The following NCR2 variants were observed in gnomAD, a reference collection of about 807,000 sequenced individuals.
NCR2 encodes natural cytotoxicity triggering receptor 2.
A neutral mutation model predicts 30.7 loss-of-function variants in NCR2; 35 were observed. The observed-to-expected ratio is 1.14, with a 90% CI of 0.87 to 1.51. The LOEUF (loss-of-function observed/expected upper bound fraction) is 1.51, where lower values mean the gene tolerates loss of function less well. NCR2 is among the 40% of genes most tolerant of loss of function. The pLI, the probability that NCR2 is intolerant of heterozygous loss-of-function variation, is 0.00. For synonymous variants in NCR2, 146 were observed against 134.8 expected, an observed-to-expected ratio of 1.08 and a Z score of -0.58; for missense variants, 316 against 328.9, an observed-to-expected ratio of 0.96 and a Z score of 0.30.
intron 4 of NCR2, chr6:41,343,138 G>T (rs921623621): frequency 4.7e-6 from 4 of 859,804 alleles, no homozygotes; most frequent in Non-Finnish European, 7.2e-6. Context: ...CTTTAGCCAC[G>T]CTCTCCCTGC....
chr6:41,346,274 C>G (rs576199420), intron 4 of NCR2, among the ~76,000 whole-genome samples: 40 of 152,250 alleles, frequency 2.6e-4, no homozygotes, highest in Non-Finnish European at 4.6e-4. Flanking sequence ...GCCTCCTATC[C>G]CCAGTGGTCT....
At chr6:41,343,115 C>A in intron 4 of NCR2, 1 of 1,182,212 alleles carries the variant, frequency 8.5e-7, no homozygotes, top group Non-Finnish European at 1.2e-6. Context: ...AAGGCCAGGA[C>A]TTGATCCAAG....
chr6:41,339,543 C>A (rs1251519122), intron 2 of NCR2, among the ~76,000 whole-genome samples: 3 of 152,040 alleles, frequency 2.0e-5, no homozygotes, highest in Non-Finnish European at 4.4e-5. Flanking sequence ...CGCCACCATG[C>A]CCGGCTAATT....
chr6:41,336,138 C>A lies in NCR2; in HGVS notation c.104C>A (p.Thr35Lys). The change falls in exon 2 of 5, where the codon ACG (threonine) becomes AAG (lysine). Residue 35 changes from threonine to lysine, a missense_variant. Coordinates refer to ENST00000373089, the MANE Select transcript of NCR2 (RefSeq NM_004828.4). ...AQVLQSVAGQTLTVRCQYPPT... is the reference protein window; with the variant it reads ...AQVLQSVAGQKLTVRCQYPPT... ...GTACTTCAAAGTGTGGCAGGGCAGA[C>A]GCTAACCGTGAGATGCCAGTACCCG... The A allele has an allele frequency of 6.2e-7, 1 of 1,614,064 alleles. No homozygotes were observed. Among genetic ancestry groups the A allele is most frequent in the South Asian group, 1.1e-5 (1 of 91,072 alleles).
Position 41,350,799 on chromosome 6 carries a change from G to A in NCR2, c.766G>A (p.Glu256Lys), listed in dbSNP as rs780559376. 17 of 1,281,458 alleles carry A rather than the reference G, an allele frequency of 1.3e-5. No homozygotes were observed. The South Asian group carries it at 2.0e-4, about 15-fold the overall frequency. 79.4% of individuals were successfully genotyped at this position (1,281,458 alleles called of 1,614,324 possible). The change falls in exon 5 of 5, where the codon GAA becomes AAA. Residue 256 changes from glutamate (E) to lysine (K), a missense_variant. Glu to Lys is a moderately conservative substitution (Grantham distance 56). Transcript: ENST00000373089. ...WTSVSSPVEREILYHTVARTK... is the reference protein window; with the variant it reads ...WTSVSSPVERKILYHTVARTK... ...CTCAGTTTCCTCACCTGTAGAGAGA[G>A]AAATATTATATCACACTGTTGCAAG...
At position 41,341,923 on chromosome 6, in the gene NCR2, C is replaced by T; in HGVS notation, c.524C>T (p.Pro175Leu). 3 of 1,613,918 alleles carry T rather than the reference C, an allele frequency of 1.9e-6. No individual in the cohort carries two copies. The highest frequency in any genetic ancestry group is 2.5e-6 in the Non-Finnish European group (3 of 1,179,828). Residue 175 changes from proline to leucine, a missense_variant, in exon 3 of 5, where the codon CCT becomes CTT. Physicochemically the swap from Pro to Leu is moderately conservative, Grantham distance 98 (BLOSUM62 -3). Coordinates refer to ENST00000373089, the MANE Select transcript of NCR2 (RefSeq NM_004828.4). Reference sequence around the variant, plus strand: ...GAGTCTCCATCTACCATCCCTGTCCCTTCACAGTGAGTTTCGGGGTGCCCG... The same window carrying T: ...GAGTCTCCATCTACCATCCCTGTCCTTTCACAGTGAGTTTCGGGGTGCCCG... ...APESPSTIPV[P>L]SQPQNSTLRP...
chr6:41,347,311 AAT>A (rs1440241662), intron 4 of NCR2, among the ~76,000 whole-genome samples: 5 of 152,142 alleles, frequency 3.3e-5, no homozygotes, highest in African/African-American at 9.7e-5. Context: ...AATGGGCTCT[AAT>A]ATATTAAACC....
chr6:41,336,559 C>A, intron 2 of NCR2, 131 bp downstream of exon 2: 1 of 714,772 alleles, frequency 1.4e-6, no homozygotes, highest in South Asian at 1.8e-5. Context: ...CTGTTGGGAA[C>A]AGGTGCAGGG....
At chr6:41,340,866 G>T (rs1769150932) in intron 2 of NCR2, among the ~76,000 whole-genome samples, 1 of 152,038 alleles carries the variant, frequency 6.6e-6, no homozygotes, top group Non-Finnish European at 1.5e-5. Context: ...TATGGGACAG[G>T]ATCGTGCCCA....
At chr6:41,342,908 T>A in intron 4 of NCR2, 4 of 1,549,276 alleles carry the variant, frequency 2.6e-6, no homozygotes, top group Non-Finnish European at 3.5e-6. Flanking sequence ...ATTTCTCCCC[T>A]CATCTCAAGG....
At chr6:41,336,542 G>T in intron 2 of NCR2, 114 bp downstream of exon 2, 1 of 842,626 alleles carries the variant, frequency 1.2e-6, no homozygotes, top group Non-Finnish European at 1.9e-6. Flanking sequence ...CCAGTCTCCT[G>T]GGAAGGCTGT....
At chr6:41,338,422 A>G (rs1561941161) in intron 2 of NCR2, among the ~76,000 whole-genome samples, 1 of 152,218 alleles carries the variant, frequency 6.6e-6, no homozygotes, top group Non-Finnish European at 1.5e-5. Flanking sequence ...AACTCTCTCA[A>G]TGAAGGAAGC....
intron 4 of NCR2, among the ~76,000 whole-genome samples, chr6:41,342,705 T>C (rs1331825890): frequency 6.6e-6 from 1 of 151,974 alleles, no homozygotes; most frequent in Non-Finnish European, 1.5e-5. Flanking sequence ...CTCATTCTAG[T>C]CCTGAGGGAG....
chr6:41,343,047 G>A (rs1790548014), intron 4 of NCR2: 1 of 1,538,132 alleles, frequency 6.5e-7, no homozygotes, highest in Non-Finnish European at 8.8e-7. Flanking sequence ...TCTCCAACAA[G>A]GCTGGGCTCC....
In NCR2 at chr6:41,341,912, C is replaced by T. The variant is rs767970975; in HGVS notation, c.513C>T (p.Thr171=). The change falls in exon 3 of 5, where the codon ACC becomes ACT. Residue 171 remains threonine, a synonymous_variant. Coordinates refer to ENST00000373089, the MANE Select transcript of NCR2 (RefSeq NM_004828.4). ...GACAAGCCCCTGAGTCTCCATCTAC[C>T]ATCCCTGTCCCTTCACAGTGAGTTT... ...GARQAPESPS[T]IPVPSQPQNS... 27 of 1,613,970 alleles carry T rather than the reference C, an allele frequency of 1.7e-5. No homozygotes were observed. In the South Asian group the frequency reaches 2.6e-4, roughly 16 times the overall value.
intron 4 of NCR2, among the ~76,000 whole-genome samples, chr6:41,345,733 C>A (rs1161802807): frequency 6.6e-6 from 1 of 152,138 alleles, no homozygotes; most frequent in Non-Finnish European, 1.5e-5. Context: ...CTCAGTAAGA[C>A]CTTGTAAATC....
At chr6:41,340,618 C>T (rs1028237343) in intron 2 of NCR2, among the ~76,000 whole-genome samples, 4 of 152,170 alleles carry the variant, frequency 2.6e-5, no homozygotes, top group Admixed American at 1.3e-4. Context: ...TAACTAATCA[C>T]GGGCTTGGAT....
intron 2 of NCR2, among the ~76,000 whole-genome samples, chr6:41,341,077 C>G (rs1769156444): frequency 6.6e-6 from 1 of 152,166 alleles, no homozygotes; most frequent in Non-Finnish European, 1.5e-5. Flanking sequence ...ATCCCCACTT[C>G]CTCTCCCAGC....
At chr6:41,350,629 T>C (rs763077066) in intron 4 of NCR2, 49 bp from the exon 5 acceptor site, 2 of 1,551,058 alleles carry the variant, frequency 1.3e-6, no homozygotes, top group East Asian at 2.2e-5. Context: ...CTATGTGCAA[T>C]TATGTGGCAG....
Sources: allele counts gnomAD v4.1 joint callset (sites outside exome capture counted in the v4.1 genomes callset), GRCh38; gene constraint gnomAD v4.1.1; transcripts MANE v1.5; gene names NCBI Gene and HGNC (gene_info 2026-07-23, HGNC 2026-07-21).